Variants in ROBO1 observed in about 807,000 individuals in gnomAD.
ROBO1 encodes roundabout homolog 1.
Under a neutral mutation model 195.9 loss-of-function variants are expected in ROBO1, and 149 were observed. That is an observed-to-expected ratio of 0.76 (90% confidence interval 0.67 to 0.87). The LOEUF is 0.87. ROBO1 is among the 40% of genes least tolerant of loss of function. ROBO1 has a pLI of 0.00. For missense variants in ROBO1, 1,933 were observed against 2,068.3 expected, an observed-to-expected ratio of 0.93 and a Z score of 1.27; for synonymous variants, 816 against 733.2, an observed-to-expected ratio of 1.11 and a Z score of -1.82.
intron 2 of ROBO1, among the ~76,000 whole-genome samples, chr3:79,128,728 C>G (rs1331818440): frequency 1.3e-5 from 2 of 152,160 alleles, no homozygotes; most frequent in Non-Finnish European, 2.9e-5. Context: ...GACGTATACA[C>G]TCTTGTGAAT....
chr3:79,343,777 T>G (rs1054855251), intron 2 of ROBO1, among the ~76,000 whole-genome samples: 1 of 152,156 alleles, frequency 6.6e-6, no homozygotes, highest in Non-Finnish European at 1.5e-5. Context: ...GAAAAGAATC[T>G]GAGTGTCCTT....
rs1304597488 is a variant in ROBO1, at chr3:79,183,080, C to CAA, written c.89-57543_89-57542dup. Among the ~76,000 whole-genome samples, 16 of 64,812 alleles carry CAA rather than the reference C, an allele frequency of 2.5e-4. 1 individual carries two copies. Among genetic ancestry groups the CAA allele is most frequent in the African/African-American group, 5.4e-4 (10 of 18,604 alleles). 42.5% of individuals were successfully genotyped at this position (64,812 alleles called of 152,430 possible). A position where few individuals can be genotyped will look rare whatever the true frequency, so the allele number is the denominator to read the frequency against. ...TGGGTGACAGAGAGAGACTCCAACT[C>CAA]AAAAAAAAAAAAAAAAAGATACATA... On this transcript the variant is annotated intron_variant, in intron 2 of 30. Transcript: ENST00000464233.
chr3:78,646,223 A>T (rs773819097), intron 20 of ROBO1, 33 bp from the exon 21 acceptor site: 1 of 1,581,154 alleles, frequency 6.3e-7, no homozygotes, highest in Admixed American at 1.7e-5. Flanking sequence ...AGGAACAATT[A>T]ATAGACATAT....
chr3:78,882,227 G>A (rs1284054050), intron 4 of ROBO1, among the ~76,000 whole-genome samples: 2 of 152,146 alleles, frequency 1.3e-5, no homozygotes, highest in Non-Finnish European at 2.9e-5. Flanking sequence ...AGTCTAGTAT[G>A]AATGCTAAAT....
At chr3:79,649,269 A>G (rs1286527845) in intron 1 of ROBO1, among the ~76,000 whole-genome samples, 3 of 152,068 alleles carry the variant, frequency 2.0e-5, no homozygotes, top group Admixed American at 6.6e-5. Flanking sequence ...AAAGTGGCAA[A>G]TAAACCATTG....
chr3:78,608,020 T>TACAC (rs56715450), intron 28 of ROBO1, among the ~76,000 whole-genome samples: 6,695 of 149,832 alleles, frequency 0.045, 191 homozygotes, highest in Middle Eastern at 0.092. Context: ...TAATTTCATT[T>TACAC]ACACACACAC....
intron 28 of ROBO1, among the ~76,000 whole-genome samples, chr3:78,609,873 T>G (rs1703705345): frequency 2.0e-5 from 3 of 152,182 alleles, no homozygotes; most frequent in Admixed American, 1.3e-4. Context: ...AAATGAAACT[T>G]TTTTGTTCCA....
Position 79,144,978 on chromosome 3 carries a change from A to G in ROBO1, c.89-19439T>C, listed in dbSNP as rs532569253. ...ATGTTCTACTCTAGTGTACAACTAT[A>G]AAGACCTGGACAGAATTGCCTACAT... On this transcript the variant is annotated intron_variant, in intron 2 of 30. Transcript: ENST00000464233. 1.9e-3 allele frequency among the ~76,000 whole-genome samples: 283 copies of G among 152,132 alleles called. 2 individuals are homozygous for G. The highest frequency in any genetic ancestry group is 6.0e-3 in the African/African-American group (249 of 41,548).
At chr3:78,679,332 T>G (rs1255858642) in intron 10 of ROBO1, among the ~76,000 whole-genome samples, 1 of 151,940 alleles carries the variant, frequency 6.6e-6, no homozygotes, top group Non-Finnish European at 1.5e-5. Flanking sequence ...CCAGGGCAAT[T>G]AGGCAGGAGA....
chr3:79,258,906 G>T (rs1408765711), intron 2 of ROBO1, among the ~76,000 whole-genome samples: 1 of 152,052 alleles, frequency 6.6e-6, no homozygotes, highest in Non-Finnish European at 1.5e-5. Context: ...AAATGGATTT[G>T]TCAGGGAAAA....
chr3:79,046,547 A>C (rs1346483169), intron 3 of ROBO1, among the ~76,000 whole-genome samples: 1 of 152,154 alleles, frequency 6.6e-6, no homozygotes, highest in Non-Finnish European at 1.5e-5. Flanking sequence ...GCTGAGGAGC[A>C]AGGAGAGCCA....
chr3:79,319,082 C>T (rs1414223718), intron 2 of ROBO1, among the ~76,000 whole-genome samples: 1 of 152,090 alleles, frequency 6.6e-6, no homozygotes, highest in Non-Finnish European at 1.5e-5. Context: ...GAATAATGTA[C>T]ATTGCACTCA....
At chr3:79,587,431 G>A (rs1430127604) in intron 2 of ROBO1, among the ~76,000 whole-genome samples, 1 of 151,632 alleles carries the variant, frequency 6.6e-6, no homozygotes, top group Non-Finnish European at 1.5e-5. Flanking sequence ...TAGACACCTT[G>A]GCTGATGATA....
intron 16 of ROBO1, chr3:78,660,602 A>G (rs1183449359): frequency 6.3e-6 from 1 of 158,970 alleles, no homozygotes; most frequent in Non-Finnish European, 1.4e-5. Flanking sequence ...GAGGTGTTTT[A>G]AAAGAGATGA....
At chr3:78,670,562 C>A in intron 10 of ROBO1, 1 of 403,716 alleles carries the variant, frequency 2.5e-6, no homozygotes, top group Non-Finnish European at 4.5e-6. Flanking sequence ...TTAAAGAGTT[C>A]GGGAATTAGG....
chr3:78,949,331 G>C (rs1307352606), intron 3 of ROBO1, among the ~76,000 whole-genome samples: 34 of 106,720 alleles, frequency 3.2e-4, no homozygotes, highest in African/African-American at 1.3e-3. Flanking sequence ...CAATGGAACA[G>C]AACAAAGCCC....
intron 25 of ROBO1, 88 bp from the exon 26 acceptor site, chr3:78,627,657 T>C: frequency 7.2e-7 from 1 of 1,380,136 alleles, no homozygotes; most frequent in Non-Finnish European, 9.7e-7. Flanking sequence ...CTTTAAATTG[T>C]TTTTCAAATC....
chr3:78,766,226 G>A (rs1355062177), intron 4 of ROBO1, among the ~76,000 whole-genome samples: 1 of 152,158 alleles, frequency 6.6e-6, no homozygotes, highest in African/African-American at 2.4e-5. Context: ...AAAAAGGCAG[G>A]TAGCAGTAGG....
intron 4 of ROBO1, among the ~76,000 whole-genome samples, chr3:78,775,081 A>G (rs1296625973): frequency 6.6e-6 from 1 of 152,222 alleles, no homozygotes; most frequent in Admixed American, 6.5e-5. Context: ...CACTTTGAAG[A>G]AATGCATATG....
Sources: gnomAD v4.1 joint callset for allele counts (sites outside exome capture counted in the v4.1 genomes callset) on GRCh38, gnomAD v4.1.1 for gene constraint, MANE v1.5 for transcripts, NCBI Gene and HGNC (gene_info 2026-07-23, HGNC 2026-07-21) for gene names.